Variants in SMC2 observed in about 807,000 individuals in gnomAD.
The protein encoded by SMC2 is structural maintenance of chromosomes 2, also known as structural maintenance of chromosomes protein 2.
SMC2 carries 41 observed loss-of-function variants against 142.6 expected under a neutral mutation model. That is an observed-to-expected ratio of 0.29 (90% CI 0.22 to 0.37). The LOEUF (loss-of-function observed/expected upper bound fraction) is 0.37, where lower values mean the gene tolerates loss of function less well. SMC2 is among the 10% of genes least tolerant of loss of function. SMC2 has a pLI of 1.00. For synonymous variants in SMC2, 463 were observed against 457.5 expected, an observed-to-expected ratio of 1.01 and a Z score of -0.15; for missense variants, 1,265 against 1,373.7, an observed-to-expected ratio of 0.92 and a Z score of 1.25.
chr9:104,114,127 AT>A, intron 12 of SMC2, 46 bp downstream of exon 12: 2 of 1,167,792 alleles, frequency 1.7e-6, no homozygotes, highest in Non-Finnish European at 2.4e-6. Flanking sequence ...TAATCAAGAC[AT>A]TTTTATTTAA....
intron 24 of SMC2, 93 bp from the exon 25 acceptor site, chr9:104,139,045 AT>A (rs1835842109): frequency 1.4e-6 from 1 of 727,282 alleles, no homozygotes; most frequent in African/African-American, 1.9e-5. Context: ...AAGAAATAAA[AT>A]TATCTCCAAA....
chr9:104,132,380 G>T (rs957321694), intron 22 of SMC2, among the ~76,000 whole-genome samples: 2 of 152,144 alleles, frequency 1.3e-5, no homozygotes. Flanking sequence ...TTTACAGGAT[G>T]CTTATTCAAC....
chr9:104,137,773 A>G (rs1038906484), intron 23 of SMC2, among the ~76,000 whole-genome samples: 5 of 152,024 alleles, frequency 3.3e-5, no homozygotes, highest in African/African-American at 7.3e-5. Context: ...TAATATGGCA[A>G]TATTAAAATT....
intron 23 of SMC2, among the ~76,000 whole-genome samples, chr9:104,137,809 AAAG>A (rs774046500): frequency 4.5e-4 from 66 of 148,060 alleles, no homozygotes; most frequent in Admixed American, 1.1e-3. Context: ...ATGCTTCCGA[AAAG>A]AGGAGAAATG....
chr9:104,109,834 A>G (rs919473629), intron 9 of SMC2, among the ~76,000 whole-genome samples: 4 of 152,220 alleles, frequency 2.6e-5, no homozygotes, highest in Non-Finnish European at 5.9e-5. Flanking sequence ...ACCATAAAAT[A>G]TACAAAAATC....
Position 104,098,702 on chromosome 9 carries a change from T to G in SMC2, c.441+134T>G, listed in dbSNP as rs916729118. Reference sequence around the variant, plus strand: ...TACTATTGTGCTGTGTCCGGCCATCTGTTTAGAAATATGGTTTAGTTACTT... The same window carrying G: ...TACTATTGTGCTGTGTCCGGCCATCGGTTTAGAAATATGGTTTAGTTACTT... On this transcript the variant is annotated intron_variant, in intron 4 of 24. Coordinates refer to ENST00000374793, the MANE Select transcript of SMC2 (RefSeq NM_006444.3). 1.3e-5 allele frequency: 11 copies of G among 831,362 alleles called. No homozygotes were observed. In the African/African-American group the frequency reaches 1.8e-4, roughly 13 times the overall value. 51.5% of individuals were successfully genotyped at this position (831,362 alleles called of 1,614,324 possible).
chr9:104,116,059 A>G, intron 13 of SMC2, 141 bp from the exon 14 acceptor site: 2 of 622,270 alleles, frequency 3.2e-6, no homozygotes, highest in Admixed American at 4.2e-5. Flanking sequence ...AGTTCAAATG[A>G]TGTTCCATTG....
At chr9:104,126,875 C>A in intron 19 of SMC2, 91 bp downstream of exon 19, 1 of 1,239,890 alleles carries the variant, frequency 8.1e-7, no homozygotes, top group Non-Finnish European at 1.1e-6. Context: ...TGTTCTCAGT[C>A]TTTTCACTCG....
At chr9:104,090,030 T>C (rs1007267885), upstream of SMC2, among the ~76,000 whole-genome samples, 1 of 152,180 alleles carries the variant, frequency 6.6e-6, no homozygotes. Context: ...GAATAGAGAA[T>C]GTGAGCTCTG....
At chr9:104,097,308 A>G (rs900013090) in intron 3 of SMC2, among the ~76,000 whole-genome samples, 5 of 151,094 alleles carry the variant, frequency 3.3e-5, no homozygotes, top group African/African-American at 7.3e-5. Flanking sequence ...GGATTTCGCT[A>G]TGTTGGCCAG....
chr9:104,134,631 TCCTTA>T, intron 23 of SMC2, 56 bp downstream of exon 23: 3 of 1,215,252 alleles, frequency 2.5e-6, no homozygotes, highest in Non-Finnish European at 3.4e-6. Flanking sequence ...ATAATTCATC[TCCTTA>T]CCTTAAAACT....
chr9:104,106,057 C>T (rs767713497), intron 9 of SMC2, among the ~76,000 whole-genome samples: 12 of 152,110 alleles, frequency 7.9e-5, no homozygotes, highest in Non-Finnish European at 1.6e-4. Context: ...GTCCATAATG[C>T]CCTAGTCGGA....
intron 4 of SMC2, 114 bp from the exon 5 acceptor site, chr9:104,099,530 C>T: frequency 3.0e-6 from 2 of 667,618 alleles, no homozygotes; most frequent in East Asian, 2.9e-5. Flanking sequence ...AAGACCCCCC[C>T]AAAGATTGGT....
At chr9:104,089,365 TAAA>T (rs1420945882), upstream of SMC2, among the ~76,000 whole-genome samples, 1 of 151,960 alleles carries the variant, frequency 6.6e-6, no homozygotes, top group Non-Finnish European at 1.5e-5. Context: ...AGTTTGGTAA[TAAA>T]AAGGAACCAG....
chr9:104,103,172 G>T (rs966084302), intron 9 of SMC2, among the ~76,000 whole-genome samples: 1 of 152,048 alleles, frequency 6.6e-6, no homozygotes, highest in Non-Finnish European at 1.5e-5. Flanking sequence ...TGAATGTTAG[G>T]ATAGTTCAAC....
chr9:104,091,750 A>C (rs903063077), upstream of SMC2, among the ~76,000 whole-genome samples: 3 of 152,150 alleles, frequency 2.0e-5, no homozygotes, highest in Non-Finnish European at 2.9e-5. Context: ...GCACTCTAAA[A>C]TTAGAAAAGT....
At position 104,140,805 on chromosome 9, in the gene SMC2, T is replaced by C. The variant is rs1003395195; in HGVS notation, c.*1490T>C. The C allele has an allele frequency of 6.6e-6, 1 of 152,476 alleles. No individual in the cohort carries two copies. The highest frequency in any genetic ancestry group is 2.4e-5 in the African/African-American group (1 of 41,458). 9.4% of individuals were successfully genotyped at this position (152,476 alleles called of 1,614,324 possible). The stretch of plus-strand genomic sequence containing the variant: ...ACACTGTCAATATTAAAGTATACCA[T>C]AGTATACAAATTAGTCAGTACTTGC... On this transcript the variant is annotated 3_prime_UTR_variant, in exon 25 of 25. Coordinates refer to ENST00000374793, the MANE Select transcript of SMC2 (RefSeq NM_006444.3).
At chr9:104,097,457 T>C (rs7048372) in intron 3 of SMC2, among the ~76,000 whole-genome samples, 77,850 of 146,204 alleles carry the variant, frequency 0.53, 21,549 homozygotes, top group African/African-American at 0.57. Flanking sequence ...GTCCATCTTA[T>C]CATTTATCAC....
intron 8 of SMC2, 85 bp from the exon 9 acceptor site, chr9:104,102,339 A>C: frequency 9.3e-6 from 12 of 1,292,756 alleles, no homozygotes; most frequent in Non-Finnish European, 1.3e-5. Flanking sequence ...CTTATAAAAA[A>C]GTGTTTGATA....
Sources: gnomAD v4.1 joint callset for allele counts (sites outside exome capture counted in the v4.1 genomes callset) on GRCh38, gnomAD v4.1.1 for gene constraint, MANE v1.5 for transcripts, NCBI Gene and HGNC (gene_info 2026-07-23, HGNC 2026-07-21) for gene names.